The following ADAMTS6 variants were observed in gnomAD, a reference collection of about 807,000 sequenced individuals.
The protein encoded by ADAMTS6 is A disintegrin and metalloproteinase with thrombospondin motifs 6.
In ADAMTS6, 23 loss-of-function variants were observed where a neutral mutation model predicts 144.3. The observed-to-expected ratio is 0.16, with a 90% CI of 0.11 to 0.23. The LOEUF is 0.23. Ranked by LOEUF, ADAMTS6 falls within the 10% of genes least tolerant of loss-of-function variation. ADAMTS6 has a pLI of 1.00. For missense variants in ADAMTS6, 999 were observed against 1,379.6 expected, an observed-to-expected ratio of 0.72 and a Z score of 4.37; for synonymous variants, 444 against 457.5, an observed-to-expected ratio of 0.97 and a Z score of 0.38.
intron 22 of ADAMTS6, 80 bp downstream of exon 22, chr5:65,187,936 G>A: frequency 7.2e-7 from 1 of 1,383,902 alleles, no homozygotes; most frequent in African/African-American, 1.4e-5. Flanking sequence ...AAGATGTTCA[G>A]GTGTCCTTAA....
rs146840930 is a variant in ADAMTS6 at position 65,268,906 on chromosome 5, T to C, written c.1620+4434A>G. On this transcript the variant is annotated intron_variant, in intron 12 of 24. Coordinates refer to ENST00000381055, the MANE Select transcript of ADAMTS6 (RefSeq NM_197941.4). ...TATGCTATCACTCGAGCAGTATTTC[T>C]ACCCCCTCCCTTTTAAAAAAAGATT... is the stretch of plus-strand genomic sequence containing the variant. Among the ~76,000 whole-genome samples, 380 of 152,346 alleles carry C rather than the reference T, an allele frequency of 2.5e-3. 2 individuals are homozygous for C. The highest frequency in any genetic ancestry group is 8.5e-3 in the African/African-American group (352 of 41,586).
At chr5:65,339,193 T>C (rs984675004) in intron 7 of ADAMTS6, among the ~76,000 whole-genome samples, 1 of 152,074 alleles carries the variant, frequency 6.6e-6, no homozygotes, top group African/African-American at 2.4e-5. Flanking sequence ...TATGCCACCA[T>C]CAAAACAAAC....
intron 7 of ADAMTS6, among the ~76,000 whole-genome samples, chr5:65,409,232 A>C (rs558215719): frequency 4.9e-4 from 75 of 152,324 alleles, no homozygotes; most frequent in African/African-American, 1.7e-3. Context: ...TAAAAGATCA[A>C]CAAAACTGAT....
intron 21 of ADAMTS6, among the ~76,000 whole-genome samples, chr5:65,192,323 A>G (rs1755066905): frequency 6.6e-6 from 1 of 152,066 alleles, no homozygotes; most frequent in Admixed American, 6.5e-5. Flanking sequence ...AGGAAAGAGA[A>G]CCATTTCTCC....
intron 14 of ADAMTS6, among the ~76,000 whole-genome samples, chr5:65,249,186 G>C (rs891856496): frequency 3.9e-5 from 6 of 152,154 alleles, no homozygotes; most frequent in Non-Finnish European, 8.8e-5. Flanking sequence ...GCCAGGGAGA[G>C]GCCATTTCCT....
intron 7 of ADAMTS6, among the ~76,000 whole-genome samples, chr5:65,374,229 A>G (rs914710600): frequency 1.3e-5 from 2 of 152,162 alleles, no homozygotes; most frequent in Non-Finnish European, 2.9e-5. Flanking sequence ...CACCACTCCT[A>G]TTCAACATAG....
At chr5:65,275,342 GAAAGAAAGAAGAGAAAGAA>G (rs1762387157) in intron 11 of ADAMTS6, among the ~76,000 whole-genome samples, 4 of 132,520 alleles carry the variant, frequency 3.0e-5, no homozygotes, top group Admixed American at 8.3e-5. Context: ...GAGAAATGAA[GAAAGAAAGAAGAGAAAGAA>G]AGAAAGAAAG....
chr5:65,357,842 C>T (rs892352251), intron 7 of ADAMTS6, among the ~76,000 whole-genome samples: 1 of 151,610 alleles, frequency 6.6e-6, no homozygotes, highest in Non-Finnish European at 1.5e-5. Flanking sequence ...AATCAGTAAT[C>T]AAAAAAACTC....
At chr5:65,205,748 G>C (rs1230991062) in intron 20 of ADAMTS6, among the ~76,000 whole-genome samples, 1 of 152,178 alleles carries the variant, frequency 6.6e-6, no homozygotes, top group Non-Finnish European at 1.5e-5. Flanking sequence ...CTTGTTAGCT[G>C]TCAGGAAAGA....
intron 7 of ADAMTS6, among the ~76,000 whole-genome samples, chr5:65,402,268 C>T (rs1753982996): frequency 6.6e-6 from 1 of 152,090 alleles, no homozygotes. Flanking sequence ...AATGAACTCA[C>T]TTGCGAAAAC....
chr5:65,280,459 T>A (rs1762902215), intron 11 of ADAMTS6, among the ~76,000 whole-genome samples: 1 of 152,212 alleles, frequency 6.6e-6, no homozygotes, highest in African/African-American at 2.4e-5. Context: ...AACCACCATG[T>A]TGAATTATAA....
chr5:65,350,856 G>A (rs1336290943), intron 7 of ADAMTS6, among the ~76,000 whole-genome samples: 2 of 151,984 alleles, frequency 1.3e-5, no homozygotes, highest in Admixed American at 6.6e-5. Flanking sequence ...CCATGTTGGC[G>A]AAGCTGGTCT....
chr5:65,376,041 C>G (rs1407844993), intron 7 of ADAMTS6, among the ~76,000 whole-genome samples: 1 of 150,178 alleles, frequency 6.7e-6, no homozygotes, highest in African/African-American at 2.5e-5. Flanking sequence ...TATTCTCACT[C>G]ATAGGTGGGA....
chr5:65,238,599 CAA>C (rs201993510), intron 15 of ADAMTS6, among the ~76,000 whole-genome samples: 21 of 117,260 alleles, frequency 1.8e-4, no homozygotes, highest in Admixed American at 2.6e-4. Flanking sequence ...GACCCTGTCT[CAA>C]AAAAAAAAAA....
chr5:65,275,357 A>G (rs868124970), intron 11 of ADAMTS6, among the ~76,000 whole-genome samples: 1 of 14,136 alleles, frequency 7.1e-5, no homozygotes, highest in Admixed American at 6.5e-4. Flanking sequence ...AAAGAAGAGA[A>G]AGAAAGAAAG....
intron 14 of ADAMTS6, among the ~76,000 whole-genome samples, chr5:65,256,716 A>T (rs1042327944): frequency 5.9e-5 from 9 of 152,150 alleles, no homozygotes; most frequent in Non-Finnish European, 1.0e-4. Context: ...TACAGTATAT[A>T]ATACATATAT....
chr5:65,260,922 CTTAA>C (rs907305236), intron 13 of ADAMTS6, among the ~76,000 whole-genome samples: 1 of 151,666 alleles, frequency 6.6e-6, no homozygotes, highest in Non-Finnish European at 1.5e-5. Flanking sequence ...TTATAAGATT[CTTAA>C]TTGTCATGAT....
At chr5:65,243,710 C>A (rs1434733843) in intron 14 of ADAMTS6, among the ~76,000 whole-genome samples, 7 of 151,914 alleles carry the variant, frequency 4.6e-5, no homozygotes, top group Non-Finnish European at 1.0e-4. Context: ...TAAAGGAATC[C>A]TTGACTTTTC....
intron 7 of ADAMTS6, among the ~76,000 whole-genome samples, chr5:65,345,090 C>T (rs56247519): frequency 0.047 from 7,167 of 151,622 alleles, 217 homozygotes; most frequent in East Asian, 0.11. Flanking sequence ...CGATTGTATC[C>T]CAGCATCTAA....
Sources: gnomAD v4.1 joint callset for allele counts (sites outside exome capture counted in the v4.1 genomes callset) on GRCh38, gnomAD v4.1.1 for gene constraint, MANE v1.5 for transcripts, NCBI Gene and HGNC (gene_info 2026-07-23, HGNC 2026-07-21) for gene names.